CIB1: variants seen among roughly 807,000 people sequenced by gnomAD.
The protein encoded by CIB1 is calcium and integrin-binding protein 1.
A neutral mutation model predicts 25.0 loss-of-function variants in CIB1; 19 were observed. That is an observed-to-expected ratio of 0.76 (90% CI 0.53 to 1.12). The LOEUF (loss-of-function observed/expected upper bound fraction) is 1.12, where lower values mean the gene tolerates loss of function less well. Ranked by LOEUF, CIB1 falls within the 50% of genes most tolerant of loss-of-function variation. CIB1 has a pLI of 0.00. For missense variants in CIB1, 236 were observed against 242.6 expected, an observed-to-expected ratio of 0.97 and a Z score of 0.18; for synonymous variants, 104 against 98.5, an observed-to-expected ratio of 1.06 and a Z score of -0.33.
chr15:90,265,748 C>G, the CIB1 span: 1 of 1,613,148 alleles, frequency 6.2e-7, no homozygotes, highest in Non-Finnish European at 8.5e-7. Flanking sequence ...TGGGCGGGCG[C>G]GTTTGCGCCG....
the CIB1 span, among the ~76,000 whole-genome samples, chr15:90,253,079 A>G: frequency 1.3e-5 from 2 of 152,178 alleles, no homozygotes; most frequent in African/African-American, 4.8e-5. Flanking sequence ...GACAGCCCCT[A>G]AGAACTTGAA....
chr15:90,230,839 C>T, intron 6 of CIB1, 95 bp downstream of exon 6: 1 of 1,132,732 alleles, frequency 8.8e-7, no homozygotes, highest in African/African-American at 1.5e-5. Flanking sequence ...GGCTTTCTCT[C>T]ACCCTGGCAC....
At chr15:90,243,467 C>T in the CIB1 span, 1 of 152,076 alleles carries the variant, frequency 6.6e-6, no homozygotes, top group East Asian at 1.9e-4. Context: ...CCACCTCAGC[C>T]CCCTGAGTAG....
chr15:90,251,501 G>C, the CIB1 span: 1 of 1,523,044 alleles, frequency 6.6e-7, no homozygotes, highest in South Asian at 1.1e-5. Context: ...TTTCATCTGA[G>C]TACCTGTCCT....
intron 3 of CIB1, 51 bp downstream of exon 3, chr15:90,232,168 T>C (rs1962507689): frequency 4.9e-6 from 7 of 1,438,862 alleles, no homozygotes; most frequent in African/African-American, 1.4e-5. Flanking sequence ...TTAGGGGGTC[T>C]AGCAGGGAGG....
chr15:90,259,628 C>T, the CIB1 span, among the ~76,000 whole-genome samples: 5 of 152,304 alleles, frequency 3.3e-5, no homozygotes, highest in South Asian at 2.1e-4. Context: ...TGGTTAGCAA[C>T]GTATTTTAGA....
chr15:90,257,198 G>T, the CIB1 span: 3 of 1,613,834 alleles, frequency 1.9e-6, no homozygotes, highest in Non-Finnish European at 2.5e-6. Flanking sequence ...CACATCCTGT[G>T]ACCCTCTCCG....
At chr15:90,258,139 C>T in the CIB1 span, 3 of 1,614,222 alleles carry the variant, frequency 1.9e-6, no homozygotes, top group East Asian at 2.2e-5. Context: ...ATCATCTCAG[C>T]CCATTCTGTT....
At position 90,233,710 on chromosome 15, in the gene CIB1, G is replaced by C; in HGVS notation, c.52-7C>G. The stretch of plus-strand genomic sequence containing the variant: ...TCGTCAGGAACGTCAAGTCCTGGAA[G>C]GCAAAGCCAGAGCGGGGATTAGCGG... On this transcript the variant is annotated splice_region_variant and splice_polypyrimidine_tract_variant and intron_variant, in intron 1 of 6. Coordinates refer to ENST00000328649, the MANE Select transcript of CIB1 (RefSeq NM_006384.4). The C allele has an allele frequency of 6.4e-7, 1 of 1,571,648 alleles. No homozygotes were observed. The highest frequency in any genetic ancestry group is 2.3e-5 in the East Asian group (1 of 42,600).
the CIB1 span, chr15:90,256,323 C>T: frequency 6.2e-7 from 1 of 1,613,778 alleles, no homozygotes; most frequent in Non-Finnish European, 8.5e-7. Context: ...GGACCATCAG[C>T]CTTCCCTAGT....
the CIB1 span, among the ~76,000 whole-genome samples, chr15:90,260,145 A>G: frequency 6.6e-6 from 1 of 152,232 alleles, no homozygotes; most frequent in African/African-American, 2.4e-5. Context: ...ATGGTTGAAC[A>G]GTACTGGACT....
chr15:90,245,312 T>G, the CIB1 span: 1 of 151,862 alleles, frequency 6.6e-6, no homozygotes. Context: ...CCGTCTCTAC[T>G]AAAAACACAA....
At position 90,230,106 on chromosome 15, in the gene CIB1, C is replaced by T. The variant is rs1338738615; in HGVS notation, c.*378G>A. 4 of 292,814 alleles carry T rather than the reference C, an allele frequency of 1.4e-5. No homozygotes were observed. Among genetic ancestry groups the T allele is most frequent in the Non-Finnish European group, 2.6e-5 (4 of 152,858 alleles). The allele number at this position is 292,814 out of a possible 1,614,324, so 18.1% of individuals were successfully genotyped here. ...TGCTGCCCCTTCATCCTCACACCCT[C>T]CCACGGGGACAGCCAGCGTGGGTGC... On this transcript the variant is annotated 3_prime_UTR_variant, in exon 7 of 7. Coordinates refer to ENST00000328649, the MANE Select transcript of CIB1 (RefSeq NM_006384.4).
chr15:90,241,212 C>T, the CIB1 span: 14 of 1,614,024 alleles, frequency 8.7e-6, no homozygotes, highest in East Asian at 1.6e-4. Flanking sequence ...GAATGTGGAG[C>T]GTGGTGTGCA....
chr15:90,247,397 T>A, the CIB1 span, among the ~76,000 whole-genome samples: 1 of 150,180 alleles, frequency 6.7e-6, no homozygotes, highest in Admixed American at 6.6e-5. Flanking sequence ...CTTCCCAAGG[T>A]GCTGGGATTA....
the CIB1 span, chr15:90,257,319 A>G: frequency 6.3e-7 from 1 of 1,587,632 alleles, no homozygotes; most frequent in Non-Finnish European, 8.6e-7. Context: ...TTCCACTGCC[A>G]AAAGTGCTGA....
the CIB1 span, chr15:90,263,253 G>A: frequency 9.4e-7 from 1 of 1,063,474 alleles, no homozygotes; most frequent in Non-Finnish European, 1.3e-6. Flanking sequence ...ATCTGTCAGT[G>A]GAGCCTGGGA....
At chr15:90,261,893 G>A in the CIB1 span, 2 of 855,144 alleles carry the variant, frequency 2.3e-6, no homozygotes, top group Non-Finnish European at 3.4e-6. Flanking sequence ...TTGGGCAGGG[G>A]CCCAGGAGGT....
chr15:90,242,120 A>T, the CIB1 span: 1 of 1,428,148 alleles, frequency 7.0e-7, no homozygotes, highest in Non-Finnish European at 9.5e-7. Flanking sequence ...ATAGGGTCTC[A>T]CTCTGTCCCC....
Sources: allele counts gnomAD v4.1 joint callset (sites outside exome capture counted in the v4.1 genomes callset), GRCh38; gene constraint gnomAD v4.1.1; transcripts MANE v1.5; gene names NCBI Gene and HGNC (gene_info 2026-07-23, HGNC 2026-07-21).